STXBP6: variants seen among roughly 807,000 people sequenced by gnomAD.
STXBP6 encodes the protein syntaxin binding protein 6.
A neutral mutation model predicts 26.9 loss-of-function variants in STXBP6; 21 were observed. That is an observed-to-expected ratio of 0.78 (90% confidence interval 0.55 to 1.12). The LOEUF is 1.12. Ranked by LOEUF, STXBP6 falls within the 50% of genes most tolerant of loss-of-function variation. The pLI, the probability that STXBP6 is intolerant of heterozygous loss-of-function variation, is 0.00. For synonymous variants in STXBP6, 97 were observed against 92.6 expected, an observed-to-expected ratio of 1.05 and a Z score of -0.27; for missense variants, 232 against 257.9, an observed-to-expected ratio of 0.90 and a Z score of 0.69.
At chr14:24,963,494 A>G (rs2073620747) in intron 2 of STXBP6, among the ~76,000 whole-genome samples, 1 of 152,206 alleles carries the variant, frequency 6.6e-6, no homozygotes, top group South Asian at 2.1e-4. Context: ...GTGGATGAAG[A>G]ATAATTTGTG....
intron 2 of STXBP6, among the ~76,000 whole-genome samples, chr14:24,866,843 T>A (rs1261288763): frequency 6.6e-6 from 1 of 151,868 alleles, no homozygotes; most frequent in Non-Finnish European, 1.5e-5. Flanking sequence ...CAATTTGATC[T>A]AAAGATTTAA....
At chr14:25,017,092 A>G (rs1164750423) in intron 1 of STXBP6, among the ~76,000 whole-genome samples, 1 of 152,212 alleles carries the variant, frequency 6.6e-6, no homozygotes, top group Non-Finnish European at 1.5e-5. Flanking sequence ...CTCTAATTTT[A>G]CATATTTGCA....
At chr14:24,815,736 C>T (rs1317913681) in intron 5 of STXBP6, 1 of 152,128 alleles carries the variant, frequency 6.6e-6, no homozygotes, top group Non-Finnish European at 1.5e-5. Context: ...ATGGCGGGGC[C>T]GTCAAAGCAT....
At chr14:24,892,460 G>C (rs1183834835) in intron 2 of STXBP6, among the ~76,000 whole-genome samples, 1 of 152,132 alleles carries the variant, frequency 6.6e-6, no homozygotes, top group Non-Finnish European at 1.5e-5. Context: ...TATTCTTCAA[G>C]GGGGGAAATA....
At chr14:25,046,311 G>C (rs1595368003) in intron 1 of STXBP6, among the ~76,000 whole-genome samples, 1 of 152,322 alleles carries the variant, frequency 6.6e-6, no homozygotes, top group East Asian at 1.9e-4. Context: ...ATTAACTAAT[G>C]AATCTTAAGA....
Position 24,830,655 on chromosome 14 carries a change from A to G in STXBP6, c.452-11461T>C, listed in dbSNP as rs116141425. On this transcript the variant is annotated intron_variant, in intron 4 of 5. Coordinates refer to ENST00000323944, the MANE Select transcript of STXBP6 (RefSeq NM_001394410.1). Reference sequence around the variant, plus strand: ...GTCTATGAGACATCCAAGTGGAGTCAGTAAGTCAAACAGATATTCCTGTAA... The same window carrying G: ...GTCTATGAGACATCCAAGTGGAGTCGGTAAGTCAAACAGATATTCCTGTAA... Among the ~76,000 whole-genome samples, 1,366 of 152,292 alleles carry G rather than the reference A, an allele frequency of 9.0e-3. 21 individuals are homozygous for G. The highest frequency in any genetic ancestry group is 0.031 in the African/African-American group (1,288 of 41,566).
intron 1 of STXBP6, among the ~76,000 whole-genome samples, chr14:24,986,510 C>A (rs917871958): frequency 6.6e-6 from 1 of 152,190 alleles, no homozygotes; most frequent in South Asian, 2.1e-4. Context: ...AAAGCACACA[C>A]TAACCATACC....
chr14:24,874,056 T>C (rs1482359267), intron 2 of STXBP6, among the ~76,000 whole-genome samples: 1 of 152,188 alleles, frequency 6.6e-6, no homozygotes, highest in Non-Finnish European at 1.5e-5. Context: ...AAAGTTAGTA[T>C]TCACTGAGCA....
intron 2 of STXBP6, among the ~76,000 whole-genome samples, chr14:24,940,028 T>C (rs1221534496): frequency 6.6e-6 from 1 of 152,262 alleles, no homozygotes; most frequent in Non-Finnish European, 1.5e-5. Flanking sequence ...ACTGACCTCC[T>C]GCACTGTAAT....
At chr14:24,870,962 C>A (rs917517144) in intron 2 of STXBP6, among the ~76,000 whole-genome samples, 1 of 152,298 alleles carries the variant, frequency 6.6e-6, no homozygotes, top group Admixed American at 6.5e-5. Flanking sequence ...ATGCTACATG[C>A]TCATGGCCAT....
intron 4 of STXBP6, among the ~76,000 whole-genome samples, chr14:24,825,162 A>G (rs2068246118): frequency 6.6e-6 from 1 of 152,168 alleles, no homozygotes; most frequent in African/African-American, 2.4e-5. Flanking sequence ...TCCCAAACAT[A>G]TTTACTTATA....
At chr14:24,855,141 A>G (rs1474489589) in intron 4 of STXBP6, among the ~76,000 whole-genome samples, 1 of 152,094 alleles carries the variant, frequency 6.6e-6, no homozygotes, top group Non-Finnish European at 1.5e-5. Flanking sequence ...CATATGAAAC[A>G]TATATACAGC....
At chr14:24,961,048 T>C (rs1248436248) in intron 2 of STXBP6, among the ~76,000 whole-genome samples, 3 of 152,246 alleles carry the variant, frequency 2.0e-5, no homozygotes, top group African/African-American at 7.2e-5. Flanking sequence ...GCTTTGAGAA[T>C]GACTAAGGAT....
At chr14:24,836,721 G>A (rs1231570526) in intron 4 of STXBP6, among the ~76,000 whole-genome samples, 3 of 151,304 alleles carry the variant, frequency 2.0e-5, no homozygotes, top group Admixed American at 6.6e-5. Context: ...AAGTAGGATA[G>A]CAGGATGGAT....
intron 2 of STXBP6, among the ~76,000 whole-genome samples, chr14:24,951,102 G>GTGTAT (rs2140056852): frequency 6.6e-6 from 1 of 152,292 alleles, no homozygotes; most frequent in South Asian, 2.1e-4. Flanking sequence ...GTATTCCATG[G>GTGTAT]TGTATATGTG....
chr14:25,047,924 C>T (rs957291091), intron 1 of STXBP6, among the ~76,000 whole-genome samples: 1 of 152,166 alleles, frequency 6.6e-6, no homozygotes, highest in Admixed American at 6.5e-5. Context: ...CCTTTCTGAC[C>T]GTGCCAATTC....
At chr14:24,819,312 G>C (rs763456497) in intron 4 of STXBP6, 118 bp from the exon 5 acceptor site, 13 of 1,137,378 alleles carry the variant, frequency 1.1e-5, no homozygotes, top group East Asian at 4.9e-5. Context: ...AAGGCCGCTC[G>C]TCTAGTGTCT....
At chr14:24,928,080 C>T (rs2072242864) in intron 2 of STXBP6, among the ~76,000 whole-genome samples, 1 of 152,112 alleles carries the variant, frequency 6.6e-6, no homozygotes, top group Non-Finnish European at 1.5e-5. Context: ...AACGGTCCTT[C>T]GGAATTTAGA....
intron 5 of STXBP6, chr14:24,817,865 T>C (rs1348606421): frequency 2.8e-6 from 1 of 357,364 alleles, no homozygotes; most frequent in Non-Finnish European, 5.5e-6. Flanking sequence ...AGTAAGACCC[T>C]GTCACGACAG....
Sources: allele counts gnomAD v4.1 joint callset (sites outside exome capture counted in the v4.1 genomes callset), GRCh38; gene constraint gnomAD v4.1.1; transcripts MANE v1.5; gene names NCBI Gene and HGNC (gene_info 2026-07-23, HGNC 2026-07-21).